The following MDGA2 variants were observed in gnomAD, a reference collection of about 807,000 sequenced individuals.
The protein encoded by MDGA2 is MAM domain-containing glycosylphosphatidylinositol anchor protein 2.
A neutral mutation model predicts 117.8 loss-of-function variants in MDGA2; 40 were observed. The observed-to-expected ratio is 0.34, with a 90% CI of 0.26 to 0.44. The LOEUF (loss-of-function observed/expected upper bound fraction) is 0.44. Among genes scored for constraint, MDGA2 ranks in the 20% least tolerant of loss-of-function variants. The probability of loss-of-function intolerance (pLI) is 1.00; values close to 1 mark genes in which losing one functional copy is unlikely to be tolerated. For synonymous variants in MDGA2, 452 were observed against 439.0 expected, an observed-to-expected ratio of 1.03 and a Z score of -0.37; for missense variants, 1,123 against 1,250.6, an observed-to-expected ratio of 0.90 and a Z score of 1.54.
Position 47,648,794 on chromosome 14 carries a change from A to G in MDGA2, c.280+25723T>C, listed in dbSNP as rs141376102. Among the ~76,000 whole-genome samples, 950 of 152,254 alleles carry G rather than the reference A, an allele frequency of 6.2e-3. 13 individuals carry two copies. The highest frequency in any genetic ancestry group is 0.022 in the African/African-American group (900 of 41,564). On this transcript the variant is annotated intron_variant, in intron 1 of 16. Coordinates refer to ENST00000399232, the MANE Select transcript of MDGA2 (RefSeq NM_001113498.3). ...GTGTTCTTAAAATAAAGTTCATAAGAAAGTGTTCATAAAATCACTTAACTT... is the reference window on the plus strand; with the variant it reads ...GTGTTCTTAAAATAAAGTTCATAAGGAAGTGTTCATAAAATCACTTAACTT...
chr14:47,670,720 T>C (rs1279963445), intron 1 of MDGA2, among the ~76,000 whole-genome samples: 1 of 152,142 alleles, frequency 6.6e-6, no homozygotes, highest in Non-Finnish European at 1.5e-5. Flanking sequence ...ACGTGAAAAA[T>C]AGATACCAGT....
chr14:46,973,852 CAAAATCAACATACT>C (rs1886356422), intron 8 of MDGA2, among the ~76,000 whole-genome samples: 1 of 151,500 alleles, frequency 6.6e-6, no homozygotes, highest in African/African-American at 2.4e-5. Context: ...AAAAAAGCAA[CAAAATCAACATACT>C]AAATCAGTTG....
intron 10 of MDGA2, among the ~76,000 whole-genome samples, chr14:46,889,762 T>G (rs1243046199): frequency 6.6e-6 from 1 of 152,024 alleles, no homozygotes; most frequent in Non-Finnish European, 1.5e-5. Flanking sequence ...GCCCCATTCC[T>G]TGAAAATTTG....
intron 1 of MDGA2, among the ~76,000 whole-genome samples, chr14:47,545,618 C>G (rs574942731): frequency 1.8e-4 from 27 of 152,072 alleles, no homozygotes; most frequent in Admixed American, 9.8e-4. Context: ...TTTCTTCCAA[C>G]AAAGCTTTAT....
chr14:47,636,260 A>G (rs1397511143), intron 1 of MDGA2, among the ~76,000 whole-genome samples: 2 of 152,242 alleles, frequency 1.3e-5, no homozygotes, highest in Non-Finnish European at 2.9e-5. Context: ...AAAAGGTAAA[A>G]GAATATTAAT....
intron 1 of MDGA2, among the ~76,000 whole-genome samples, chr14:47,663,246 T>C (rs1275548964): frequency 1.3e-5 from 2 of 152,224 alleles, no homozygotes; most frequent in African/African-American, 4.8e-5. Flanking sequence ...CTGTGTGTCT[T>C]TGCTTAAGGT....
At chr14:47,091,563 T>C (rs1362657992) in intron 6 of MDGA2, among the ~76,000 whole-genome samples, 1 of 151,952 alleles carries the variant, frequency 6.6e-6, no homozygotes, top group Non-Finnish European at 1.5e-5. Context: ...CAAGTAAAAA[T>C]GGGAGTCATA....
chr14:47,438,328 C>T (rs1054371352), intron 1 of MDGA2, among the ~76,000 whole-genome samples: 2 of 152,118 alleles, frequency 1.3e-5, no homozygotes, highest in Admixed American at 1.3e-4. Flanking sequence ...CCGAAAGTTA[C>T]TGTCCTCTCC....
intron 6 of MDGA2, among the ~76,000 whole-genome samples, chr14:47,077,721 T>C (rs146419124): frequency 8.8e-4 from 132 of 149,778 alleles, no homozygotes; most frequent in African/African-American, 3.1e-3. Context: ...AAAAAAAAAG[T>C]GCAATAAATT....
rs530798793 is a variant in MDGA2, at chr14:46,981,230, C to T, written c.1820-23587G>A. 5.9e-5 allele frequency among the ~76,000 whole-genome samples: 9 copies of T among 151,786 alleles called. No individual in the cohort carries two copies. The South Asian group carries it at 1.9e-3, about 32-fold the overall frequency. ...GCTAGCCTGACCAACATGGTGAAAC[C>T]CCGTCTCTACTAAAAATACAAAAAC... On this transcript the variant is annotated intron_variant, in intron 8 of 16. Transcript: ENST00000399232.
chr14:47,327,036 GCCCCTTCCCC>G (rs1890164774), intron 1 of MDGA2, among the ~76,000 whole-genome samples: 1 of 152,148 alleles, frequency 6.6e-6, no homozygotes, highest in South Asian at 2.1e-4. Flanking sequence ...AGGGCTAGAA[GCCCCTTCCCC>G]ACCTGGGCCT....
chr14:47,650,985 T>C (rs1184678525), intron 1 of MDGA2, among the ~76,000 whole-genome samples: 1 of 152,206 alleles, frequency 6.6e-6, no homozygotes, highest in Non-Finnish European at 1.5e-5. Flanking sequence ...CTTAAAAGTA[T>C]GTGTAACTAA....
At chr14:47,282,696 CA>C (rs572508750) in intron 2 of MDGA2, among the ~76,000 whole-genome samples, 46 of 120,468 alleles carry the variant, frequency 3.8e-4, no homozygotes, top group African/African-American at 8.2e-4. Context: ...GAATGTGTCT[CA>C]AAAAAAAAAA....
In MDGA2 at chr14:47,561,171, G is replaced by GTTTTTTTTTTTTTT. The variant is rs1594918273; in HGVS notation, c.280+113345_280+113346insAAAAAAAAAAAAAA. Among the ~76,000 whole-genome samples the GTTTTTTTTTTTTTT allele has an allele frequency of 6.6e-4, 45 of 68,462 alleles. 1 individual carries two copies. The highest frequency in any genetic ancestry group is 4.0e-3 in the East Asian group (4 of 1,006). 44.9% of individuals were successfully genotyped at this position (68,462 alleles called of 152,430 possible). ...TTTTTTTGTTTTGTTTTGTTTTTTT[G>GTTTTTTTTTTTTTT]TTTGTTTGTTTTTTTTTGCTTAGGA... On this transcript the variant is annotated intron_variant, in intron 1 of 16. Transcript: ENST00000399232.
At chr14:47,230,639 A>G (rs1303219766) in intron 2 of MDGA2, among the ~76,000 whole-genome samples, 2 of 151,962 alleles carry the variant, frequency 1.3e-5, no homozygotes, top group African/African-American at 4.8e-5. Context: ...CGACTTTTAG[A>G]AAAATAGGAA....
chr14:46,866,266 A>T (rs1881755714), intron 14 of MDGA2, among the ~76,000 whole-genome samples: 1 of 152,144 alleles, frequency 6.6e-6, no homozygotes, highest in South Asian at 2.1e-4. Context: ...ATCTTTGACA[A>T]ACCTGAGAAA....
chr14:47,110,323 A>G (rs1880970603), intron 5 of MDGA2, among the ~76,000 whole-genome samples: 1 of 152,184 alleles, frequency 6.6e-6, no homozygotes, highest in Admixed American at 6.5e-5. Context: ...GAGGGCTAGT[A>G]TGTACATACT....
chr14:46,874,262 CATA>C, intron 12 of MDGA2, 62 bp from the exon 13 acceptor site: 1 of 850,242 alleles, frequency 1.2e-6, no homozygotes, highest in Non-Finnish European at 1.6e-6. Context: ...GCAATATTTT[CATA>C]AGAAAAATGT....
At chr14:47,193,501 T>C (rs572516291) in intron 3 of MDGA2, among the ~76,000 whole-genome samples, 1 of 152,286 alleles carries the variant, frequency 6.6e-6, no homozygotes, top group Admixed American at 6.5e-5. Flanking sequence ...TTTCTGAAGA[T>C]GTAGAATATG....
Sources: allele counts gnomAD v4.1 joint callset (sites outside exome capture counted in the v4.1 genomes callset), GRCh38; gene constraint gnomAD v4.1.1; transcripts MANE v1.5; gene names NCBI Gene and HGNC (gene_info 2026-07-23, HGNC 2026-07-21).